The following LRRC41 variants were observed in gnomAD, a reference collection of about 807,000 sequenced individuals.
LRRC41 encodes the protein leucine-rich repeat-containing protein 41.
A neutral mutation model predicts 72.1 loss-of-function variants in LRRC41; 17 were observed. The observed-to-expected ratio is 0.24, with a 90% confidence interval of 0.16 to 0.35. LRRC41 has a LOEUF of 0.35. Among genes scored for constraint, LRRC41 ranks in the 10% least tolerant of loss-of-function variants. The pLI is 1.00. For synonymous variants in LRRC41, 427 were observed against 431.0 expected (o/e 0.99, Z 0.11); for missense variants, 759 against 1,065.0 (o/e 0.71, Z 4.00).
rs1660648058 is a variant in LRRC41, at chr1:46,277,538, C to G, written c.*1327G>C. 2 of 495,538 alleles carry G rather than the reference C, an allele frequency of 4.0e-6. No homozygotes were observed. The highest frequency in any genetic ancestry group is 4.3e-5 in the South Asian group (2 of 46,678). 30.7% of individuals were successfully genotyped at this position (495,538 alleles called of 1,614,324 possible). Reference sequence around the variant, plus strand: ...TGCAGAAATCTGAAGCTGCAGCAGACAAACCTCAGTTCACCCTGACGGGAT... The same window carrying G: ...TGCAGAAATCTGAAGCTGCAGCAGAGAAACCTCAGTTCACCCTGACGGGAT... On this transcript the variant is annotated 3_prime_UTR_variant, in exon 10 of 10. Transcript: ENST00000617190.
Position 46,302,883 on chromosome 1 carries a change from G to A in LRRC41, c.199+241C>T, listed in dbSNP as rs1005843204. On this transcript the variant is annotated intron_variant, in intron 1 of 9. Transcript: ENST00000617190. This position sits in a 1 kb window ranked among gnomAD's most constrained non-coding sequence, Gnocchi z 4.7. Reference sequence around the variant, plus strand: ...TGCTTCGCTCCAGACCGGGCCTCCTGGCCTCGCCCCCCGCGCCCCCGAGCC... The same window carrying A: ...TGCTTCGCTCCAGACCGGGCCTCCTAGCCTCGCCCCCCGCGCCCCCGAGCC... 1.5e-4 allele frequency: 151 copies of A among 984,892 alleles called. No homozygotes were observed. Among genetic ancestry groups the A allele is most frequent in the Non-Finnish European group, 1.8e-4 (146 of 829,792 alleles). 61.0% of individuals were successfully genotyped at this position (984,892 alleles called of 1,614,324 possible).
intron 4 of LRRC41, among the ~76,000 whole-genome samples, chr1:46,283,018 C>G (rs1366252045): frequency 6.9e-6 from 1 of 144,158 alleles, no homozygotes; most frequent in Non-Finnish European, 1.5e-5. Context: ...CAGAGACTCC[C>G]TGTCAAAAAA....
rs981264676 is a variant in LRRC41, at chr1:46,303,606, C to T, written c.-284G>A. The T allele has an allele frequency of 2.7e-6, 3 of 1,102,922 alleles. No homozygotes were observed. In the African/African-American group the frequency reaches 4.7e-5, roughly 17 times the overall value. 68.3% of individuals were successfully genotyped at this position (1,102,922 alleles called of 1,614,324 possible). On this transcript the variant is annotated 5_prime_UTR_variant, in exon 1 of 10. An upstream start codon of the reference 5' UTR is lost. Transcript: ENST00000617190. ...TAACCTCTGCCTGCGGCTGGTAGTA[C>T]ATGCCAATCTGAGCATGTGTTCGCG...
chr1:46,282,286 G>GA (rs1382089934), intron 4 of LRRC41, among the ~76,000 whole-genome samples: 1 of 152,176 alleles, frequency 6.6e-6, no homozygotes, highest in East Asian at 1.9e-4. Context: ...ATACTTAAAA[G>GA]AATCAATGGG....
chr1:46,285,801 A>G lies in LRRC41; in HGVS notation c.1056T>C (p.Pro352=). The G allele has an allele frequency of 6.3e-7, 1 of 1,594,574 alleles. No homozygotes were observed. The highest frequency in any genetic ancestry group is 1.7e-4 in the Middle Eastern group (1 of 5,928). The part of the protein sequence containing the change: ...LHPPATSHEA[P]GTKRSPSAPA... Reference sequence around the variant, plus strand: ...GAGCAGAAGGTGACCGCTTGGTGCCAGGAGCCTCATGGGAGGTGGCTGGGG... The same window carrying G: ...GAGCAGAAGGTGACCGCTTGGTGCCGGGAGCCTCATGGGAGGTGGCTGGGG... The change falls in exon 4 of 10, where the codon CCT becomes CCC. Residue 352 remains proline (P), a synonymous_variant. Transcript: ENST00000617190. The surrounding 1 kb of genome is among the most constrained non-coding windows in gnomAD (Gnocchi z 5.3).
chr1:46,302,283 C>T lies in LRRC41; in HGVS notation c.199+841G>A, dbSNP rs1391272175. The T allele has an allele frequency of 5.1e-6, 5 of 985,212 alleles. No homozygotes were observed. In the African/African-American group the frequency reaches 8.7e-5, roughly 17 times the overall value. The allele number at this position is 985,212 out of a possible 1,614,324, so 61.0% of individuals were successfully genotyped here. ...CCCCGGGCCGTCGCCCCGCTTGGGG[C>T]CTCCTTGGCCCTTCCCGCCTGTCCG... On this transcript the variant is annotated intron_variant, in intron 1 of 9. Coordinates refer to ENST00000617190, the MANE Select transcript of LRRC41 (RefSeq NM_006369.5). The surrounding 1 kb of genome is among the most constrained non-coding windows in gnomAD (Gnocchi z 4.7).
At chr1:46,292,066 C>CACTTTGG (rs1211982483) in intron 3 of LRRC41, among the ~76,000 whole-genome samples, 2 of 151,906 alleles carry the variant, frequency 1.3e-5, no homozygotes, top group Non-Finnish European at 2.9e-5. Context: ...ATAATCCCAG[C>CACTTTGG]ACTTTGGGAG....
At chr1:46,295,266 G>T (rs190259046) in intron 3 of LRRC41, among the ~76,000 whole-genome samples, 5 of 152,144 alleles carry the variant, frequency 3.3e-5, no homozygotes, top group Admixed American at 2.6e-4. Context: ...TTGCCATGTT[G>T]CCCAGGCTGG....
At position 46,303,301 on chromosome 1, in the gene LRRC41, G is replaced by A. The variant is rs1035984321; in HGVS notation, c.22C>T (p.Arg8Cys). 4 of 1,533,952 alleles carry A rather than the reference G, an allele frequency of 2.6e-6. No individual in the cohort carries two copies. Among genetic ancestry groups the A allele is most frequent in the South Asian group, 1.2e-5 (1 of 83,102 alleles). ...TCACAGAACCAGCAACTCCGGGCGC[G>A]CCAGGCCTCGGGCGCCGCCATCTTG... is the stretch of plus-strand genomic sequence containing the variant. MAAPEAW[R>C]ARSCWFCEVA... Residue 8 changes from arginine to cysteine, a missense_variant, in exon 1 of 10, where the codon CGC (arginine) becomes TGC (cysteine). Around this residue, in one of 4 missense-constraint regions of LRRC41, gnomAD observed 106 missense variants for 66.1 expected, o/e 1.60. Transcript: ENST00000617190.
At chr1:46,283,239 AG>A (rs1660816773) in intron 4 of LRRC41, among the ~76,000 whole-genome samples, 1 of 152,180 alleles carries the variant, frequency 6.6e-6, no homozygotes, top group South Asian at 2.1e-4. Context: ...AGGAGTCCGG[AG>A]GAACTACTGA....
At chr1:46,294,398 G>A (rs969680963) in intron 3 of LRRC41, among the ~76,000 whole-genome samples, 3 of 152,090 alleles carry the variant, frequency 2.0e-5, no homozygotes, top group South Asian at 2.1e-4. Flanking sequence ...GTGAGCTACC[G>A]CGCCCAGCCC....
In LRRC41 at chr1:46,285,054, T is replaced by C. The variant is rs1660856647; in HGVS notation, c.1495+308A>G. 5.2e-6 allele frequency: 2 copies of C among 386,674 alleles called. No homozygotes were observed. The highest frequency in any genetic ancestry group is 3.6e-5 in the Admixed American group (1 of 27,464). The allele number at this position is 386,674 out of a possible 1,614,324, so 24.0% of individuals were successfully genotyped here. A position where few individuals can be genotyped will look rare whatever the true frequency, so the allele number is the denominator to read the frequency against. On this transcript the variant is annotated intron_variant, in intron 4 of 9. Transcript: ENST00000617190. The surrounding 1 kb of genome is among the most constrained non-coding windows in gnomAD (Gnocchi z 5.3). ...AACTCTAGCCCTGCCTGAGCATGCA[T>C]ATACTATACTGCTCCCACCTGCCCT... is the stretch of plus-strand genomic sequence containing the variant.
rs1296549473 is a variant in LRRC41 at position 46,297,554 on chromosome 1, T to G, written c.357+9A>C. 1 of 1,612,856 alleles carries G rather than the reference T, an allele frequency of 6.2e-7. No individual in the cohort carries two copies. Among genetic ancestry groups the G allele is most frequent in the Non-Finnish European group, 8.5e-7 (1 of 1,178,974 alleles). On this transcript the variant is annotated intron_variant, in intron 3 of 9. Transcript: ENST00000617190. Reference sequence around the variant, plus strand: ...TCAGGCTAGCATTCTACCTGATACCTTAACTTACTTCCAAACTGGAAGGCC... The same window carrying G: ...TCAGGCTAGCATTCTACCTGATACCGTAACTTACTTCCAAACTGGAAGGCC...
At chr1:46,293,464 T>G (rs960179399) in intron 3 of LRRC41, among the ~76,000 whole-genome samples, 1 of 152,170 alleles carries the variant, frequency 6.6e-6, no homozygotes, top group African/African-American at 2.4e-5. Flanking sequence ...GTTCTTGAAC[T>G]CCTGGGCTCA....
chr1:46,280,385 C>T lies in LRRC41; in HGVS notation c.1921+11G>A. ...TACTCCTCTCCCTTCACCATTCTGG[C>T]TGGGTCCTACCTTTGAGTGTTTGCA... On this transcript the variant is annotated intron_variant, in intron 6 of 9. Transcript: ENST00000617190. 3.1e-6 allele frequency: 5 copies of T among 1,614,200 alleles called. No homozygotes were observed. Among genetic ancestry groups the T allele is most frequent in the Non-Finnish European group, 4.2e-6 (5 of 1,180,028 alleles).
chr1:46,302,560 C>T lies in LRRC41; in HGVS notation c.199+564G>A. On this transcript the variant is annotated intron_variant, in intron 1 of 9. Transcript: ENST00000617190. The surrounding 1 kb of genome is among the most constrained non-coding windows in gnomAD (Gnocchi z 4.7). ...GTTCGGCCTCTCCCCCTGCCCCATT[C>T]CCTCGCTCTCCAATCTGCTGTCCTC... 1.0e-6 allele frequency: 1 copy of T among 985,060 alleles called. No homozygotes were observed. Among genetic ancestry groups the T allele is most frequent in the Non-Finnish European group, 1.2e-6 (1 of 829,834 alleles). 61.0% of individuals were successfully genotyped at this position (985,060 alleles called of 1,614,324 possible).
At chr1:46,288,753 T>C (rs534722510) in intron 3 of LRRC41, among the ~76,000 whole-genome samples, 1 of 152,316 alleles carries the variant, frequency 6.6e-6, no homozygotes, top group African/African-American at 2.4e-5. Context: ...ACTTCCTGCT[T>C]GAAATAACTG....
At chr1:46,281,089 G>A in intron 5 of LRRC41, 36 bp downstream of exon 5, 2 of 1,607,908 alleles carry the variant, frequency 1.2e-6, no homozygotes, top group Non-Finnish European at 1.7e-6. Flanking sequence ...GGATACACGT[G>A]CGTGCACACA....
In LRRC41 at chr1:46,286,933, C is replaced by G. The variant is rs1473258257; in HGVS notation, c.358-434G>C. Reference sequence around the variant, plus strand: ...TCCCAGGTTCAAGTGATTCTCGTGCCTCAGCCTCCAGAGAAGCTGGGATTA... The same window carrying G: ...TCCCAGGTTCAAGTGATTCTCGTGCGTCAGCCTCCAGAGAAGCTGGGATTA... On this transcript the variant is annotated intron_variant, in intron 3 of 9. Coordinates refer to ENST00000617190, the MANE Select transcript of LRRC41 (RefSeq NM_006369.5). The surrounding 1 kb of genome is among the most constrained non-coding windows in gnomAD (Gnocchi z 5.5). 6.6e-6 allele frequency among the ~76,000 whole-genome samples: 1 copy of G among 152,130 alleles called. No individual in the cohort carries two copies. The highest frequency in any genetic ancestry group is 1.5e-5 in the Non-Finnish European group (1 of 68,016).
Sources: allele counts gnomAD v4.1 joint callset (sites outside exome capture counted in the v4.1 genomes callset), GRCh38; gene constraint gnomAD v4.1.1; regional missense constraint gnomAD v4.1.1; non-coding constraint Gnocchi (gnomAD v3.1); transcripts MANE v1.5; gene names NCBI Gene and HGNC (gene_info 2026-07-23, HGNC 2026-07-21).